Variants in VCPKMT observed in about 807,000 individuals in gnomAD.
VCPKMT encodes protein N-lysine methyltransferase METTL21D.
VCPKMT carries 32 observed loss-of-function variants against 28.6 expected under a neutral mutation model. That is an observed-to-expected ratio of 1.12 (90% CI 0.84 to 1.50). The LOEUF is 1.50. Among genes scored for constraint, VCPKMT ranks in the 40% most tolerant of loss-of-function variants. VCPKMT has a pLI of 0.00. For synonymous variants in VCPKMT, 138 were observed against 111.4 expected (o/e 1.24, Z -1.50); for missense variants, 366 against 285.0 (o/e 1.28, Z -2.05).
intron 5 of VCPKMT, chr14:50,111,166 A>C: frequency 1.8e-6 from 1 of 551,544 alleles, no homozygotes; most frequent in Non-Finnish European, 2.3e-6. Flanking sequence ...AAAAAATAAG[A>C]GTTTTTTTTT....
rs1010049264 is a variant in VCPKMT, at chr14:50,110,401, G to C, written c.676-688C>G. Among the ~76,000 whole-genome samples, 7 of 152,140 alleles carry C rather than the reference G, an allele frequency of 4.6e-5. No individual in the cohort carries two copies. The East Asian group carries it at 1.3e-3, about 29-fold the overall frequency. ...GTATAAGGAACTCTCACAACTCAAA[G>C]TAAAAAGACAAATAAGTCAATCTGA... is the stretch of plus-strand genomic sequence containing the variant. On this transcript the variant is annotated intron_variant, in intron 5 of 5. Transcript: ENST00000395860.
At chr14:50,111,512 T>C (rs1882658829) in intron 5 of VCPKMT, 1 of 985,296 alleles carries the variant, frequency 1.0e-6, no homozygotes. Flanking sequence ...GAATCTAGCA[T>C]CCTTAATTCA....
downstream of VCPKMT, among the ~76,000 whole-genome samples, chr14:50,105,425 G>A (rs947061558): frequency 6.6e-6 from 1 of 152,320 alleles, no homozygotes; most frequent in African/African-American, 2.4e-5. Flanking sequence ...GAGGTCAGGA[G>A]CTCCAGACCA....
intron 3 of VCPKMT, 51 bp from the exon 4 acceptor site, chr14:50,114,455 T>G: frequency 7.5e-7 from 1 of 1,334,588 alleles, no homozygotes; most frequent in Non-Finnish European, 9.9e-7. Flanking sequence ...ATTTTTCTAC[T>G]CTAAAAGTAG....
chr14:50,113,809 G>GGGGGGGGGGGGGGGGGGGGGT lies in VCPKMT; in HGVS notation c.570+475_570+476insACCCCCCCCCCCCCCCCCCCC, dbSNP rs1566807810. Among the ~76,000 whole-genome samples the GGGGGGGGGGGGGGGGGGGGGT allele has an allele frequency of 1.0e-4, 4 of 39,782 alleles. 1 individual carries two copies. The highest frequency in any genetic ancestry group is 1.5e-4 in the Non-Finnish European group (3 of 19,768). The allele number at this position is 39,782 out of a possible 152,430, so 26.1% of individuals were successfully genotyped here. ...TACTTGGGGGCGGGGGGGGGGGGGG[G>GGGGGGGGGGGGGGGGGGGGGT]TGACACTGAGGCAGGAGGATCACTT... On this transcript the variant is annotated intron_variant, in intron 4 of 5. Coordinates refer to ENST00000395860, the MANE Select transcript of VCPKMT (RefSeq NM_024558.3).
chr14:50,112,009 C>T lies in VCPKMT; in HGVS notation c.675+606G>A, dbSNP rs975444504. ...ACAGGGTAAAACATGCACCAAGAAG[C>T]GGGAAAATACATAAATTCTACTTAA... On this transcript the variant is annotated intron_variant, in intron 5 of 5. Transcript: ENST00000395860. 8 of 984,910 alleles carry T rather than the reference C, an allele frequency of 8.1e-6. No individual in the cohort carries two copies. The African/African-American group carries it at 8.7e-5, about 11-fold the overall frequency. 61.0% of individuals were successfully genotyped at this position (984,910 alleles called of 1,614,324 possible).
At chr14:50,111,917 T>C (rs1437066412) in intron 5 of VCPKMT, 1 of 984,842 alleles carries the variant, frequency 1.0e-6, no homozygotes, top group South Asian at 4.7e-5. Flanking sequence ...AGTACAATTC[T>C]TCCCTCTTTC....
At position 50,109,721 on chromosome 14, in the gene VCPKMT, A is replaced by C. The variant is rs748279964; in HGVS notation, c.676-8T>G. 1 of 1,555,240 alleles carries C rather than the reference A, an allele frequency of 6.4e-7. No homozygotes were observed. The highest frequency in any genetic ancestry group is 8.7e-7 in the Non-Finnish European group (1 of 1,148,552). On this transcript the variant is annotated splice_polypyrimidine_tract_variant and splice_region_variant and intron_variant, in intron 5 of 5. Coordinates refer to ENST00000395860, the MANE Select transcript of VCPKMT (RefSeq NM_024558.3). ...GCTTCACGATGGAAATTTCTATAACAAAAAAAAAGGAAACTTAAAAGATTG... is the reference window on the plus strand; with the variant it reads ...GCTTCACGATGGAAATTTCTATAACCAAAAAAAAGGAAACTTAAAAGATTG...
chr14:50,105,419 T>A (rs1882285939), downstream of VCPKMT, among the ~76,000 whole-genome samples: 1 of 152,122 alleles, frequency 6.6e-6, no homozygotes, highest in Non-Finnish European at 1.5e-5. Context: ...TTGCTTGAGG[T>A]CAGGAGCTCC....
rs1254258954 is a variant in VCPKMT, at chr14:50,108,870, T to C, written c.*829A>G. On this transcript the variant is annotated 3_prime_UTR_variant, in exon 6 of 6. Transcript: ENST00000395860. Reference sequence around the variant, plus strand: ...TTGTAGTTATTCAAAAACCTTTCACTGCTTCATGTAAACAATACCAGTATT... The same window carrying C: ...TTGTAGTTATTCAAAAACCTTTCACCGCTTCATGTAAACAATACCAGTATT... The C allele has an allele frequency of 1.0e-6, 1 of 985,360 alleles. No individual in the cohort carries two copies. Among genetic ancestry groups the C allele is most frequent in the Non-Finnish European group, 1.2e-6 (1 of 829,942 alleles). 61.0% of individuals were successfully genotyped at this position (985,360 alleles called of 1,614,324 possible).
In VCPKMT at chr14:50,109,098, G is replaced by A; in HGVS notation, c.*601C>T. ...TGATTAAATCACATAGATATGTATG[G>A]TGGAGGAAAAGAAAACTTTGGCTAA... On this transcript the variant is annotated 3_prime_UTR_variant, in exon 6 of 6. Transcript: ENST00000395860. The A allele has an allele frequency of 1.0e-6, 1 of 975,438 alleles. No homozygotes were observed. Among genetic ancestry groups the A allele is most frequent in the Non-Finnish European group, 1.2e-6 (1 of 820,822 alleles). 60.4% of individuals were successfully genotyped at this position (975,438 alleles called of 1,614,324 possible).
rs953982911 is a variant in VCPKMT at position 50,109,352 on chromosome 14, T to C, written c.*347A>G. ...TTCTCTTCAGAAATTTATCTCTAGC[T>C]TCCTGTAAAAGGTCCAGTCAAATCA... On this transcript the variant is annotated 3_prime_UTR_variant, in exon 6 of 6. Transcript: ENST00000395860. 3 of 1,049,260 alleles carry C rather than the reference T, an allele frequency of 2.9e-6. No homozygotes were observed. Among genetic ancestry groups the C allele is most frequent in the South Asian group, 9.0e-5 (2 of 22,154 alleles). The allele number at this position is 1,049,260 out of a possible 1,614,324, so 65.0% of individuals were successfully genotyped here.
rs1424006810 is a variant in VCPKMT at position 50,109,689 on chromosome 14, A to AT, written c.*9dup. 1 of 1,602,246 alleles carries AT rather than the reference A, an allele frequency of 6.2e-7. No individual in the cohort carries two copies. The highest frequency in any genetic ancestry group is 8.5e-7 in the Non-Finnish European group (1 of 1,174,788). The stretch of plus-strand genomic sequence containing the variant: ...GGTTGTTAGAGCCTTGGGTAAGATG[A>AT]TTAAAGGCTTCACGATGGAAATTTC... On this transcript the variant is annotated 3_prime_UTR_variant, in exon 6 of 6. Transcript: ENST00000395860.
Position 50,108,824 on chromosome 14 carries a change from T to C in VCPKMT, c.*875A>G, listed in dbSNP as rs1882446115. The C allele has an allele frequency of 1.0e-6, 1 of 985,492 alleles. No individual in the cohort carries two copies. The highest frequency in any genetic ancestry group is 1.2e-6 in the Non-Finnish European group (1 of 829,906). The allele number at this position is 985,492 out of a possible 1,614,324, so 61.0% of individuals were successfully genotyped here. On this transcript the variant is annotated 3_prime_UTR_variant, in exon 6 of 6. Coordinates refer to ENST00000395860, the MANE Select transcript of VCPKMT (RefSeq NM_024558.3). ...AGACACAGAACAGAAATTCATTTGG[T>C]ATATACATATAGAACTACATTTGTA...
chr14:50,110,095 A>C (rs578052499), intron 5 of VCPKMT, among the ~76,000 whole-genome samples: 1 of 152,192 alleles, frequency 6.6e-6, no homozygotes, highest in South Asian at 2.1e-4. Flanking sequence ...AAATACAAAA[A>C]AATTAGCTGG....
chr14:50,110,532 G>C (rs985689501), intron 5 of VCPKMT, among the ~76,000 whole-genome samples: 5 of 152,178 alleles, frequency 3.3e-5, no homozygotes, highest in African/African-American at 1.2e-4. Context: ...CCAGTGAGAT[G>C]GGTATAATTA....
intron 4 of VCPKMT, chr14:50,113,634 TAGAC>T (rs1882861616): frequency 6.8e-6 from 1 of 146,784 alleles, no homozygotes; most frequent in Non-Finnish European, 1.5e-5. Context: ...ACCCTAAAAA[TAGAC>T]AGGTATCTAG....
chr14:50,108,867 C>T lies in VCPKMT; in HGVS notation c.*832G>A. The T allele has an allele frequency of 4.1e-6, 4 of 985,444 alleles. No homozygotes were observed. The highest frequency in any genetic ancestry group is 4.8e-6 in the Non-Finnish European group (4 of 829,928). 61.0% of individuals were successfully genotyped at this position (985,444 alleles called of 1,614,324 possible). On this transcript the variant is annotated 3_prime_UTR_variant, in exon 6 of 6. Coordinates refer to ENST00000395860, the MANE Select transcript of VCPKMT (RefSeq NM_024558.3). The stretch of plus-strand genomic sequence containing the variant: ...CATTTGTAGTTATTCAAAAACCTTT[C>T]ACTGCTTCATGTAAACAATACCAGT...
downstream of VCPKMT, among the ~76,000 whole-genome samples, chr14:50,107,486 G>GT (rs1298778191): frequency 2.6e-5 from 4 of 152,144 alleles, no homozygotes; most frequent in Admixed American, 6.5e-5. Flanking sequence ...GCTAATTTTT[G>GT]TATTTTTAGT....
Sources: allele counts gnomAD v4.1 joint callset (sites outside exome capture counted in the v4.1 genomes callset), GRCh38; gene constraint gnomAD v4.1.1; transcripts MANE v1.5; gene names NCBI Gene and HGNC (gene_info 2026-07-23, HGNC 2026-07-21).